Variants in METTL15 observed in about 807,000 individuals in gnomAD.
METTL15 encodes 12S rRNA N(4)-cytidine methyltransferase METTL15.
METTL15 carries 34 observed loss-of-function variants against 38.3 expected under a neutral mutation model. That is an observed-to-expected ratio of 0.89 (90% confidence interval 0.68 to 1.18). METTL15 has a LOEUF of 1.18. Ranked by LOEUF, METTL15 falls within the 50% of genes most tolerant of loss-of-function variation. The pLI, the probability that METTL15 is intolerant of heterozygous loss-of-function variation, is 0.00. For synonymous variants in METTL15, 162 were observed against 170.9 expected (o/e 0.95, Z 0.41); for missense variants, 438 against 498.4 (o/e 0.88, Z 1.15).
intron 5 of METTL15, among the ~76,000 whole-genome samples, chr11:28,293,459 C>T (rs1329887781): frequency 6.6e-6 from 1 of 152,074 alleles, no homozygotes; most frequent in African/African-American, 2.4e-5. Context: ...GTTACTGTAG[C>T]CTTGTAGTAT....
intron 3 of METTL15, among the ~76,000 whole-genome samples, chr11:28,188,974 A>C (rs781006699): frequency 6.6e-6 from 1 of 151,326 alleles, no homozygotes; most frequent in Non-Finnish European, 1.5e-5. Flanking sequence ...TAATGTTTAC[A>C]TTTGTAAAAT....
intron 6 of METTL15, among the ~76,000 whole-genome samples, chr11:28,307,841 A>G (rs1000175816): frequency 6.6e-6 from 1 of 152,044 alleles, no homozygotes; most frequent in Non-Finnish European, 1.5e-5. Context: ...AGCAGATGTC[A>G]TAGTATTTAT....
At chr11:28,420,963 C>T (rs949113199) in intron 5 of METTL15, among the ~76,000 whole-genome samples, 1 of 151,490 alleles carries the variant, frequency 6.6e-6, no homozygotes, top group Non-Finnish European at 1.5e-5. Context: ...AACCTTTTAG[C>T]CAGATTAGCT....
intron 6 of METTL15, among the ~76,000 whole-genome samples, chr11:28,325,060 G>A (rs774109013): frequency 6.6e-6 from 1 of 152,074 alleles, no homozygotes; most frequent in African/African-American, 2.4e-5. Context: ...GCCAAGCTTT[G>A]TCCTGGCTCC....
At chr11:28,477,712 T>C (rs80313565) in intron 6 of METTL15, among the ~76,000 whole-genome samples, 6,137 of 152,264 alleles carry the variant, frequency 0.04, 402 homozygotes, top group African/African-American at 0.14. Flanking sequence ...GCTCATTTCA[T>C]TTTAAATAAT....
chr11:28,242,656 T>C (rs1375556662), intron 4 of METTL15, among the ~76,000 whole-genome samples: 1 of 152,164 alleles, frequency 6.6e-6, no homozygotes, highest in Non-Finnish European at 1.5e-5. Context: ...TACTTGGGTT[T>C]CTATATCTAT....
intron 4 of METTL15, among the ~76,000 whole-genome samples, chr11:28,274,135 C>G (rs976207548): frequency 2.6e-5 from 4 of 151,974 alleles, no homozygotes; most frequent in Admixed American, 2.6e-4. Context: ...AAGAAATTTT[C>G]TTCTGAAACA....
intron 3 of METTL15, among the ~76,000 whole-genome samples, chr11:28,168,285 C>A (rs1257159633): frequency 6.6e-6 from 1 of 151,496 alleles, no homozygotes; most frequent in East Asian, 1.9e-4. Context: ...GATAGACAAG[C>A]ATATGTAAAC....
At chr11:28,270,962 T>C (rs1252452472) in intron 4 of METTL15, among the ~76,000 whole-genome samples, 1 of 152,210 alleles carries the variant, frequency 6.6e-6, no homozygotes, top group Non-Finnish European at 1.5e-5. Flanking sequence ...ATTTAATACA[T>C]GTATCTGAAG....
At chr11:28,360,791 A>C in intron 4 of METTL15, among the ~76,000 whole-genome samples, 1 of 148,474 alleles carries the variant, frequency 6.7e-6, no homozygotes, top group East Asian at 2.0e-4. Flanking sequence ...TATATCTCCC[A>C]GTGCTATTCC....
chr11:28,268,196 C>CAAAAAA (rs71050954), intron 4 of METTL15, among the ~76,000 whole-genome samples: 1 of 64,130 alleles, frequency 1.6e-5, no homozygotes, highest in African/African-American at 7.3e-5. Context: ...GACTCCGTCT[C>CAAAAAA]AAAAAAAAAA....
chr11:28,430,509 A>G (rs1590371893), intron 6 of METTL15, among the ~76,000 whole-genome samples: 1 of 102 alleles, frequency 9.8e-3, no homozygotes, highest in African/African-American at 0.045. Flanking sequence ...TGGGGGGGTC[A>G]GCCCCCCACC....
intron 5 of METTL15, among the ~76,000 whole-genome samples, chr11:28,372,255 A>T (rs1308942901): frequency 2.0e-5 from 3 of 151,980 alleles, no homozygotes; most frequent in Non-Finnish European, 4.4e-5. Flanking sequence ...GTTCCTGGTT[A>T]TGTTAATGTG....
chr11:28,409,104 T>C (rs148481260), intron 5 of METTL15, among the ~76,000 whole-genome samples: 3,095 of 152,166 alleles, frequency 0.02, 71 homozygotes, highest in African/African-American at 0.06. Flanking sequence ...TAAATCGGGC[T>C]GGGCGCAGTG....
At chr11:28,197,582 T>G (rs1316343813) in intron 3 of METTL15, 1 of 424,450 alleles carries the variant, frequency 2.4e-6, no homozygotes, top group African/African-American at 2.0e-5. Flanking sequence ...GATTTCCTGG[T>G]GGTATAGTAT....
chr11:28,252,762 G>T (rs1351351556), intron 4 of METTL15, among the ~76,000 whole-genome samples: 1 of 151,818 alleles, frequency 6.6e-6, no homozygotes, highest in Non-Finnish European at 1.5e-5. Flanking sequence ...TTGCAGCTTG[G>T]CTTTACATTT....
At chr11:28,145,651 C>T (rs1255900024) in intron 3 of METTL15, 1 of 151,850 alleles carries the variant, frequency 6.6e-6, no homozygotes. Flanking sequence ...TTCTCCCAAC[C>T]CAATGGCATT....
At chr11:28,368,240 G>A (rs1181349088) in intron 5 of METTL15, among the ~76,000 whole-genome samples, 17 of 150,100 alleles carry the variant, frequency 1.1e-4, no homozygotes, top group Admixed American at 5.3e-4. Flanking sequence ...GAAAAGTTTT[G>A]CAATCTATCC....
intron 6 of METTL15, among the ~76,000 whole-genome samples, chr11:28,515,682 A>G (rs752327192): frequency 6.6e-6 from 1 of 152,264 alleles, no homozygotes; most frequent in Non-Finnish European, 1.5e-5. Flanking sequence ...TAAAGTATTT[A>G]TTACCTAGAA....
Sources: gnomAD v4.1 joint callset for allele counts (sites outside exome capture counted in the v4.1 genomes callset) on GRCh38, gnomAD v4.1.1 for gene constraint, MANE v1.5 for transcripts, NCBI Gene and HGNC (gene_info 2026-07-23, HGNC 2026-07-21) for gene names.